The following MTA3 variants were observed in gnomAD, a reference collection of about 807,000 sequenced individuals.
The protein encoded by MTA3 is metastasis associated 1 family member 3, also known as metastasis-associated protein MTA3.
A neutral mutation model predicts 83.5 loss-of-function variants in MTA3; 34 were observed. The ratio of observed to expected loss-of-function variants is 0.41; its 90% CI spans 0.31 to 0.54. MTA3 has a LOEUF of 0.54. Ranked by LOEUF, MTA3 falls within the 20% of genes least tolerant of loss-of-function variation. The pLI is 0.33. For synonymous variants in MTA3, 303 were observed against 252.7 expected (o/e 1.20, Z -1.89); for missense variants, 761 against 726.4 (o/e 1.05, Z -0.55).
At chr2:42,622,236 C>T (rs1038677970) in intron 4 of MTA3, among the ~76,000 whole-genome samples, 7 of 152,114 alleles carry the variant, frequency 4.6e-5, no homozygotes, top group African/African-American at 1.7e-4. Flanking sequence ...AACCCCGTCT[C>T]CACCAAAAAA....
intron 10 of MTA3, among the ~76,000 whole-genome samples, chr2:42,696,748 A>G (rs1380545076): frequency 6.6e-6 from 1 of 152,208 alleles, no homozygotes; most frequent in African/African-American, 2.4e-5. Flanking sequence ...CTAAAAATAA[A>G]TAAAAATTGA....
intron 3 of MTA3, among the ~76,000 whole-genome samples, chr2:42,598,726 A>T (rs1468948612): frequency 1.3e-5 from 2 of 152,224 alleles, no homozygotes; most frequent in Non-Finnish European, 2.9e-5. Flanking sequence ...CAAGGGACTC[A>T]TTAATACTTT....
intron 6 of MTA3, among the ~76,000 whole-genome samples, chr2:42,649,167 G>A (rs894514718): frequency 2.6e-5 from 4 of 152,056 alleles, no homozygotes; most frequent in African/African-American, 9.7e-5. Context: ...GGCTGAGGCC[G>A]GCAGATCATT....
chr2:42,625,284 G>A (rs986904489), intron 4 of MTA3, among the ~76,000 whole-genome samples: 3 of 149,904 alleles, frequency 2.0e-5, no homozygotes, highest in Non-Finnish European at 2.9e-5. Context: ...CACCCACCTC[G>A]GCTTCTCAAA....
chr2:42,641,471 A>AATG lies in MTA3; in HGVS notation c.381+1238_381+1240dup, dbSNP rs552558045. On this transcript the variant is annotated intron_variant, in intron 5 of 16. Coordinates refer to ENST00000405094, the MANE Select transcript of MTA3 (RefSeq NM_001330442.2). ...CAGAATGATGGATTATAATATGGAT[A>AATG]ATGATAATGCCCAGAAATTAGCATT... Among the ~76,000 whole-genome samples, 279 of 152,302 alleles carry AATG rather than the reference A, an allele frequency of 1.8e-3. 1 individual carries two copies. In the Middle Eastern group the frequency reaches 0.041, roughly 22 times the overall value.
chr2:42,580,740 C>T (rs940938894), intron 3 of MTA3, among the ~76,000 whole-genome samples: 1 of 151,692 alleles, frequency 6.6e-6, no homozygotes, highest in South Asian at 2.1e-4. Context: ...GGATTACAGG[C>T]ATGCACCACC....
chr2:42,610,888 T>G (rs1003428269), intron 4 of MTA3, among the ~76,000 whole-genome samples: 2 of 152,122 alleles, frequency 1.3e-5, no homozygotes, highest in Admixed American at 1.3e-4. Context: ...TTGTTCATAA[T>G]CTGTATTTCT....
At chr2:42,590,032 T>C (rs1680784671) in intron 3 of MTA3, among the ~76,000 whole-genome samples, 1 of 152,200 alleles carries the variant, frequency 6.6e-6, no homozygotes, top group South Asian at 2.1e-4. Context: ...GTGCTAGTTC[T>C]CAGGCAGATC....
At chr2:42,729,058 GTTTTC>G (rs1298819862) in intron 16 of MTA3, among the ~76,000 whole-genome samples, 5 of 52,120 alleles carry the variant, frequency 9.6e-5, no homozygotes, top group African/African-American at 3.1e-4. Flanking sequence ...TTTCTCCAGT[GTTTTC>G]TTTTATTAGT....
At chr2:42,725,696 G>A (rs1302351951) in intron 16 of MTA3, among the ~76,000 whole-genome samples, 5 of 152,200 alleles carry the variant, frequency 3.3e-5, no homozygotes, top group African/African-American at 4.8e-5. Context: ...GTGTGATGAG[G>A]CTGGTTCTGG....
intron 3 of MTA3, among the ~76,000 whole-genome samples, chr2:42,598,407 G>T (rs1682114893): frequency 6.6e-6 from 1 of 152,070 alleles, no homozygotes; most frequent in Admixed American, 6.6e-5. Flanking sequence ...CCTTAATATA[G>T]TGCCTCTATA....
chr2:42,742,554 G>A (rs1338986966), intron 16 of MTA3, among the ~76,000 whole-genome samples: 1 of 152,138 alleles, frequency 6.6e-6, no homozygotes, highest in Non-Finnish European at 1.5e-5. Flanking sequence ...TTGGGGCATA[G>A]GAGCTATATT....
intron 9 of MTA3, among the ~76,000 whole-genome samples, 153 bp from the exon 10 acceptor site, chr2:42,695,612 G>A (rs999838531): frequency 3.1e-5 from 3 of 95,390 alleles, no homozygotes; most frequent in Non-Finnish European, 5.6e-5. Context: ...TTCAGCCTGG[G>A]CAACAAAGTG....
At chr2:42,507,535 A>T (rs193050606) in intron 2 of MTA3, among the ~76,000 whole-genome samples, 3 of 152,150 alleles carry the variant, frequency 2.0e-5, no homozygotes, top group African/African-American at 7.2e-5. Context: ...GGGACTAGGA[A>T]TATGAGGTTA....
chr2:42,592,092 C>T (rs1681075401), intron 3 of MTA3, among the ~76,000 whole-genome samples: 1 of 151,942 alleles, frequency 6.6e-6, no homozygotes, highest in Non-Finnish European at 1.5e-5. Context: ...GGTGAAACTC[C>T]GTTTCTACAA....
At chr2:42,715,933 C>T (rs1280871745) in intron 14 of MTA3, among the ~76,000 whole-genome samples, 1 of 152,158 alleles carries the variant, frequency 6.6e-6, no homozygotes, top group East Asian at 1.9e-4. Flanking sequence ...AAAAATTTAT[C>T]TTGTCCTTAT....
intron 2 of MTA3, among the ~76,000 whole-genome samples, chr2:42,515,837 A>G (rs1384748170): frequency 1.7e-5 from 2 of 114,864 alleles, no homozygotes; most frequent in African/African-American, 3.5e-5. Flanking sequence ...GTTTTATTTT[A>G]TGTATTTTTT....
Position 42,665,195 on chromosome 2 carries a change from C to T in MTA3, c.702+5333C>T, listed in dbSNP as rs920170461. 3.9e-5 allele frequency among the ~76,000 whole-genome samples: 6 copies of T among 152,248 alleles called. 1 individual carries two copies. The South Asian group carries it at 8.3e-4, about 21-fold the overall frequency. ...CAGGTGGGTCAAAGGAGTTCGAGACCAGCCTGGGCAACATAGTGAAACCCC... is the reference window on the plus strand; with the variant it reads ...CAGGTGGGTCAAAGGAGTTCGAGACTAGCCTGGGCAACATAGTGAAACCCC... On this transcript the variant is annotated intron_variant, in intron 8 of 16. Transcript: ENST00000405094.
intron 15 of MTA3, 50 bp downstream of exon 15, chr2:42,719,124 T>G (rs1667232005): frequency 7.3e-7 from 1 of 1,366,462 alleles, no homozygotes; most frequent in African/African-American, 1.4e-5. Context: ...TTCTGAATAG[T>G]ATAGATATTT....
Sources: allele counts gnomAD v4.1 joint callset (sites outside exome capture counted in the v4.1 genomes callset), GRCh38; gene constraint gnomAD v4.1.1; transcripts MANE v1.5; gene names NCBI Gene and HGNC (gene_info 2026-07-23, HGNC 2026-07-21).